ANO3: variants seen among roughly 807,000 people sequenced by gnomAD.
The protein encoded by ANO3 is anoctamin 3.
In ANO3, 99 loss-of-function variants were observed where a neutral mutation model predicts 144.8. The ratio of observed to expected loss-of-function variants is 0.68; its 90% CI spans 0.58 to 0.81. ANO3 has a LOEUF of 0.81. Among genes scored for constraint, ANO3 ranks in the 30% least tolerant of loss-of-function variants. The probability of loss-of-function intolerance (pLI) is 0.00; values close to 1 mark genes in which losing one functional copy is unlikely to be tolerated. For synonymous variants in ANO3, 414 were observed against 392.6 expected (o/e 1.05, Z -0.64); for missense variants, 905 against 1,202.2 (o/e 0.75, Z 3.66).
intron 1 of ANO3, among the ~76,000 whole-genome samples, chr11:26,386,134 G>T (rs532596381): frequency 6.6e-6 from 1 of 152,096 alleles, no homozygotes; most frequent in African/African-American, 2.4e-5. Context: ...GTGCTACGAA[G>T]TGAGAATATA....
At chr11:26,246,064 T>C (rs1253007165) in intron 1 of ANO3, among the ~76,000 whole-genome samples, 2 of 152,138 alleles carry the variant, frequency 1.3e-5, no homozygotes, top group African/African-American at 4.8e-5. Flanking sequence ...ACCTTCATTC[T>C]GTGATCTGGG....
At chr11:26,403,730 G>A (rs1458470146) in intron 1 of ANO3, among the ~76,000 whole-genome samples, 1 of 151,874 alleles carries the variant, frequency 6.6e-6, no homozygotes, top group African/African-American at 2.4e-5. Flanking sequence ...CCTACACTAT[G>A]TAGCCCTTAG....
At chr11:26,202,653 G>C (rs1343511906) in intron 1 of ANO3, among the ~76,000 whole-genome samples, 2 of 151,316 alleles carry the variant, frequency 1.3e-5, no homozygotes, top group Non-Finnish European at 2.9e-5. Flanking sequence ...AATATAAAGG[G>C]GAAAATGAAG....
intron 1 of ANO3, among the ~76,000 whole-genome samples, chr11:26,239,656 A>ATTTG (rs1852615987): frequency 6.6e-6 from 1 of 152,108 alleles, no homozygotes; most frequent in African/African-American, 2.4e-5. Context: ...TTCCTTATTA[A>ATTTG]CACCTTGTCC....
intron 1 of ANO3, among the ~76,000 whole-genome samples, chr11:26,258,877 T>C (rs575221567): frequency 1.3e-5 from 2 of 152,272 alleles, no homozygotes; most frequent in East Asian, 3.9e-4. Context: ...TAAGTTAACT[T>C]TAAATAGGTA....
rs560826612 is a variant in ANO3, at chr11:26,348,933, G to T, written c.46+16612G>T. On this transcript the variant is annotated intron_variant, in intron 1 of 26. Coordinates refer to ENST00000256737, the MANE Select transcript of ANO3 (RefSeq NM_031418.4). Reference sequence around the variant, plus strand: ...GCCTAAGATGAGGAAATGGTTTTTTGGGAAAAGGTTGTGGTTGATGTTGTG... The same window carrying T: ...GCCTAAGATGAGGAAATGGTTTTTTTGGAAAAGGTTGTGGTTGATGTTGTG... Among the ~76,000 whole-genome samples, 6 of 152,262 alleles carry T rather than the reference G, an allele frequency of 3.9e-5. No homozygotes were observed. In the East Asian group the frequency reaches 1.2e-3, roughly 29 times the overall value.
chr11:26,459,430 G>C (rs1187879158), intron 3 of ANO3, among the ~76,000 whole-genome samples: 1 of 152,020 alleles, frequency 6.6e-6, no homozygotes, highest in South Asian at 2.1e-4. Flanking sequence ...TAAATGATCA[G>C]CTTTGAGCTA....
At chr11:26,435,699 G>A (rs1044804932) in intron 1 of ANO3, among the ~76,000 whole-genome samples, 1 of 152,050 alleles carries the variant, frequency 6.6e-6, no homozygotes, top group Non-Finnish European at 1.5e-5. Context: ...ACTTGCTGCT[G>A]CATTGTGAAA....
intron 1 of ANO3, among the ~76,000 whole-genome samples, chr11:26,201,985 G>A (rs370919968): frequency 1.6e-4 from 24 of 150,894 alleles, no homozygotes; most frequent in East Asian, 1.4e-3. Context: ...TTACACTTAC[G>A]ATATCTGTTA....
intron 14 of ANO3, among the ~76,000 whole-genome samples, chr11:26,578,535 A>G (rs914390174): frequency 6.6e-6 from 1 of 152,178 alleles, no homozygotes; most frequent in East Asian, 1.9e-4. Context: ...AAAAGTTGGG[A>G]AGGAGCGGGC....
chr11:26,378,796 C>T (rs776028933), intron 1 of ANO3, among the ~76,000 whole-genome samples: 26 of 152,098 alleles, frequency 1.7e-4, no homozygotes, highest in Admixed American at 3.3e-4. Flanking sequence ...CAGACAAATG[C>T]TCTGGTCCAA....
chr11:26,633,605 A>G (rs1439858725), intron 18 of ANO3, among the ~76,000 whole-genome samples: 1 of 152,234 alleles, frequency 6.6e-6, no homozygotes, highest in Non-Finnish European at 1.5e-5. Context: ...CTACTAAATG[A>G]TGATAGCAGA....
At chr11:26,270,640 C>A (rs745395139) in intron 1 of ANO3, among the ~76,000 whole-genome samples, 1 of 152,116 alleles carries the variant, frequency 6.6e-6, no homozygotes, top group East Asian at 1.9e-4. Context: ...ATTACGAATT[C>A]ATTTATTCAC....
upstream of ANO3, chr11:26,331,343 G>A (rs1855034738): frequency 1.3e-5 from 2 of 152,116 alleles, no homozygotes; most frequent in Non-Finnish European, 2.9e-5. Context: ...ACATGGTGAA[G>A]ATATAAATAA....
intron 1 of ANO3, among the ~76,000 whole-genome samples, chr11:26,423,256 G>C (rs1456716756): frequency 6.7e-6 from 1 of 149,798 alleles, no homozygotes; most frequent in African/African-American, 2.4e-5. Flanking sequence ...ACTACTACCT[G>C]GATTAGGGGT....
chr11:26,380,941 C>A (rs1002493871), intron 1 of ANO3, among the ~76,000 whole-genome samples: 1 of 152,106 alleles, frequency 6.6e-6, no homozygotes, highest in Non-Finnish European at 1.5e-5. Context: ...AAGATCGCAC[C>A]ATTGCACTCC....
chr11:26,410,265 A>G (rs1289293599), intron 1 of ANO3, among the ~76,000 whole-genome samples: 5 of 151,890 alleles, frequency 3.3e-5, no homozygotes, highest in Admixed American at 2.6e-4. Flanking sequence ...GCCTTACAAT[A>G]TAACAGCTAA....
At chr11:26,438,600 A>AG (rs1858382262) in intron 1 of ANO3, among the ~76,000 whole-genome samples, 1 of 126,468 alleles carries the variant, frequency 7.9e-6, no homozygotes. Flanking sequence ...TACAAAAAAA[A>AG]AAAAAAAAGA....
chr11:26,643,826 C>T (rs1438882460), intron 23 of ANO3, among the ~76,000 whole-genome samples: 1 of 152,164 alleles, frequency 6.6e-6, no homozygotes, highest in Non-Finnish European at 1.5e-5. Flanking sequence ...CTTCCACTTC[C>T]CCGTGGTGTG....
Sources: allele counts gnomAD v4.1 joint callset (sites outside exome capture counted in the v4.1 genomes callset), GRCh38; gene constraint gnomAD v4.1.1; transcripts MANE v1.5; gene names NCBI Gene and HGNC (gene_info 2026-07-23, HGNC 2026-07-21).